ATP2B4: variants seen among roughly 807,000 people sequenced by gnomAD.
The protein encoded by ATP2B4 is plasma membrane calcium-transporting ATPase 4.
A neutral mutation model predicts 110.3 loss-of-function variants in ATP2B4; 39 were observed. The ratio of observed to expected loss-of-function variants is 0.35; its 90% CI spans 0.27 to 0.46. The LOEUF is 0.46. Ranked by LOEUF, ATP2B4 falls within the 20% of genes least tolerant of loss-of-function variation. The probability of loss-of-function intolerance (pLI) is 1.00; values close to 1 mark genes in which losing one functional copy is unlikely to be tolerated. For synonymous variants in ATP2B4, 538 were observed against 571.7 expected, an observed-to-expected ratio of 0.94 and a Z score of 0.84; for missense variants, 1,135 against 1,530.9, an observed-to-expected ratio of 0.74 and a Z score of 4.32.
chr1:203,679,506 T>C (rs1429029549), intron 1 of ATP2B4, among the ~76,000 whole-genome samples: 1 of 152,232 alleles, frequency 6.6e-6, no homozygotes, highest in African/African-American at 2.4e-5. Flanking sequence ...CCATGTGTTC[T>C]AATCTTATGC....
chr1:203,681,208 C>G (rs11240731), intron 1 of ATP2B4, among the ~76,000 whole-genome samples: 126,665 of 152,148 alleles, frequency 0.83, 53,553 homozygotes, highest in East Asian at 1. Context: ...ATCTATGTGG[C>G]GAGGAGGACG....
intron 11 of ATP2B4, among the ~76,000 whole-genome samples, chr1:203,710,436 A>G (rs952021458): frequency 8.5e-5 from 13 of 152,290 alleles, no homozygotes; most frequent in Admixed American, 7.9e-4. Context: ...ATACCTAAGT[A>G]GGGCTGAATT....
intron 1 of ATP2B4, among the ~76,000 whole-genome samples, chr1:203,675,083 A>T (rs1664791279): frequency 6.6e-6 from 1 of 152,150 alleles, no homozygotes; most frequent in Non-Finnish European, 1.5e-5. Context: ...GTGCCCTCCC[A>T]GGCACATTCC....
chr1:203,715,448 G>C lies in ATP2B4; in HGVS notation c.2406+1171G>C, dbSNP rs147708820. Among the ~76,000 whole-genome samples, 1,255 of 142,514 alleles carry C rather than the reference G, an allele frequency of 8.8e-3. 157 individuals carry two copies. Among genetic ancestry groups the C allele is most frequent in the Middle Eastern group, 0.029 (8 of 278 alleles). 93.5% of individuals were successfully genotyped at this position (142,514 alleles called of 152,430 possible). A position where few individuals can be genotyped will look rare whatever the true frequency, so the allele number is the denominator to read the frequency against. On this transcript the variant is annotated intron_variant, in intron 15 of 20. Transcript: ENST00000357681. ...GGCGCCTGTAATCCTAGCTACTCCG[G>C]AGGCTGAGGCAGGAGAATCACTTGA... is the stretch of plus-strand genomic sequence containing the variant.
At chr1:203,672,948 G>A (rs1310048855) in intron 1 of ATP2B4, among the ~76,000 whole-genome samples, 5 of 152,162 alleles carry the variant, frequency 3.3e-5, no homozygotes, top group African/African-American at 4.8e-5. Flanking sequence ...CTAAAAAAAT[G>A]TGGGCTTTTT....
chr1:203,733,023 G>A (rs1478661595), intron 20 of ATP2B4, among the ~76,000 whole-genome samples: 1 of 152,148 alleles, frequency 6.6e-6, no homozygotes, highest in Non-Finnish European at 1.5e-5. Context: ...AGTGAAGTAT[G>A]ATATGCAATT....
At chr1:203,668,160 T>C (rs1382248557) in intron 1 of ATP2B4, among the ~76,000 whole-genome samples, 2 of 152,192 alleles carry the variant, frequency 1.3e-5, no homozygotes, top group African/African-American at 4.8e-5. Context: ...CCATGCTCTG[T>C]AGGCTCAGAG....
intron 1 of ATP2B4, among the ~76,000 whole-genome samples, chr1:203,678,318 G>A (rs1664889283): frequency 6.6e-6 from 1 of 151,104 alleles, no homozygotes; most frequent in Non-Finnish European, 1.5e-5. Context: ...AAAATTGGAG[G>A]AAAGTGTGTC....
At chr1:203,672,485 A>G (rs1664703455) in intron 1 of ATP2B4, among the ~76,000 whole-genome samples, 1 of 152,088 alleles carries the variant, frequency 6.6e-6, no homozygotes, top group Non-Finnish European at 1.5e-5. Flanking sequence ...TGCCATAGCA[A>G]CCTAAAGCGA....
rs1186242147 is a variant in ATP2B4, at chr1:203,629,494, G to A, written c.-465+2275G>A. On this transcript the variant is annotated intron_variant, in intron 1 of 20. Coordinates refer to ENST00000357681, the MANE Select transcript of ATP2B4 (RefSeq NM_001684.5). The surrounding 1 kb of genome is among the most constrained non-coding windows in gnomAD (Gnocchi z 4.6). The stretch of plus-strand genomic sequence containing the variant: ...CTTCTCCGTGAGGTCGTTATTTAGC[G>A]CGCACCGGGTCGCCTGAGCCCGGGG... Among the ~76,000 whole-genome samples the A allele has an allele frequency of 5.3e-5, 8 of 152,144 alleles. No homozygotes were observed. The highest frequency in any genetic ancestry group is 1.0e-4 in the Non-Finnish European group (7 of 68,028).
chr1:203,678,166 C>G (rs1177062446), intron 1 of ATP2B4, among the ~76,000 whole-genome samples: 1 of 152,200 alleles, frequency 6.6e-6, no homozygotes, highest in Non-Finnish European at 1.5e-5. Flanking sequence ...AGCGGGGAGA[C>G]TCAGGGGGTG....
rs1278266188 is a variant in ATP2B4 at position 203,741,924 on chromosome 1, T to C, written c.*2070T>C. 6.6e-6 allele frequency: 1 copy of C among 152,630 alleles called. No individual in the cohort carries two copies. Among genetic ancestry groups the C allele is most frequent in the Non-Finnish European group, 1.5e-5 (1 of 68,032 alleles). 9.5% of individuals were successfully genotyped at this position (152,630 alleles called of 1,614,324 possible). ...TTGTATTACCTCAGATCATTTTAAA[T>C]AGCAAGCCAATAACGAGCTTTGAAG... On this transcript the variant is annotated 3_prime_UTR_variant, in exon 21 of 21. Coordinates refer to ENST00000357681, the MANE Select transcript of ATP2B4 (RefSeq NM_001684.5).
At chr1:203,700,100 C>T in intron 4 of ATP2B4, 106 bp from the exon 5 acceptor site, 4 of 1,346,000 alleles carry the variant, frequency 3.0e-6, no homozygotes, top group South Asian at 1.4e-5. Flanking sequence ...CTAGATAGGG[C>T]CCATGGGAAC....
At chr1:203,711,377 C>A (rs1387565358) in intron 12 of ATP2B4, among the ~76,000 whole-genome samples, 1 of 152,156 alleles carries the variant, frequency 6.6e-6, no homozygotes, top group Admixed American at 6.5e-5. Context: ...TTAGCCAGGA[C>A]ACCAACTTTG....
chr1:203,721,153 G>C lies in ATP2B4; in HGVS notation c.2599-44G>C, dbSNP rs563536584. 7.1e-5 allele frequency: 113 copies of C among 1,602,726 alleles called. No homozygotes were observed. In the Middle Eastern group the frequency reaches 1.3e-3, roughly 19 times the overall value. On this transcript the variant is annotated intron_variant, in intron 16 of 20. Transcript: ENST00000357681. The stretch of plus-strand genomic sequence containing the variant: ...GCCATCGACAGGGCAAAGGTGGGCT[G>C]GTTTCAGAGAAAAGCTAAAAGGACT...
In ATP2B4 at chr1:203,724,867, G is replaced by GTT. The variant is rs1031319768; in HGVS notation, c.3132+903_3132+904dup. Among the ~76,000 whole-genome samples, 140 of 78,400 alleles carry GTT rather than the reference G, an allele frequency of 1.8e-3. 2 individuals are homozygous for GTT. The highest frequency in any genetic ancestry group is 2.4e-3 in the Non-Finnish European group (94 of 38,766). 51.4% of individuals were successfully genotyped at this position (78,400 alleles called of 152,430 possible). A position where few individuals can be genotyped will look rare whatever the true frequency, so the allele number is the denominator to read the frequency against. On this transcript the variant is annotated intron_variant, in intron 19 of 20. Transcript: ENST00000357681. ...TGCCTGGGTTTGAATCCAGCTCTCT[G>GTT]TTTTTTTTTTTTTTTTTTTTTTTTT...
chr1:203,730,628 C>G (rs1558056307), intron 20 of ATP2B4, among the ~76,000 whole-genome samples: 1 of 152,174 alleles, frequency 6.6e-6, no homozygotes, highest in African/African-American at 2.4e-5. Flanking sequence ...GTCTTCTGTC[C>G]TGGGAGGCTG....
chr1:203,675,617 G>A (rs1176651733), intron 1 of ATP2B4, among the ~76,000 whole-genome samples: 5 of 152,248 alleles, frequency 3.3e-5, no homozygotes, highest in South Asian at 4.2e-4. Context: ...CGAGTGACAC[G>A]TTTTCTCCGA....
Position 203,683,294 on chromosome 1 carries a change from G to A in ATP2B4, c.89G>A (p.Arg30Lys). The A allele has an allele frequency of 1.2e-6, 2 of 1,614,194 alleles. No homozygotes were observed. The highest frequency in any genetic ancestry group is 1.6e-4 in the Middle Eastern group (1 of 6,062). Residue 30 changes from arginine (R) to lysine (K), a missense_variant, in exon 2 of 21, where the codon AGG becomes AAG. Around this residue, in one of 9 missense-constraint regions of ATP2B4, gnomAD observed 122 missense variants for 125.2 expected, o/e 0.97. Transcript: ENST00000357681. ...GDFGCTVMEL[R>K]KLMELRSRDA... ...TTTGGCTGCACAGTAATGGAACTGAGGAAGCTCATGGAGCTGCGTTCAAGG... is the reference window on the plus strand; with the variant it reads ...TTTGGCTGCACAGTAATGGAACTGAAGAAGCTCATGGAGCTGCGTTCAAGG...
Sources: gnomAD v4.1 joint callset for allele counts (sites outside exome capture counted in the v4.1 genomes callset) on GRCh38, gnomAD v4.1.1 for gene constraint, gnomAD v4.1.1 regional missense constraint, Gnocchi (gnomAD v3.1) non-coding constraint, MANE v1.5 for transcripts, NCBI Gene and HGNC (gene_info 2026-07-23, HGNC 2026-07-21) for gene names.